Variants in RALYL observed in about 807,000 individuals in gnomAD.
RALYL encodes the protein RALY RNA binding protein like.
RALYL carries 29 observed loss-of-function variants against 35.1 expected under a neutral mutation model. The observed-to-expected ratio is 0.83, with a 90% CI of 0.61 to 1.13. RALYL has a LOEUF of 1.13. Ranked by LOEUF, RALYL falls within the 50% of genes most tolerant of loss-of-function variation. RALYL has a pLI of 0.00. For missense variants in RALYL, 359 were observed against 360.4 expected, an observed-to-expected ratio of 1.00 and a Z score of 0.03; for synonymous variants, 120 against 127.6, an observed-to-expected ratio of 0.94 and a Z score of 0.40.
chr8:84,709,497 CAA>C (rs1404300449), intron 2 of RALYL, among the ~76,000 whole-genome samples: 1 of 151,400 alleles, frequency 6.6e-6, no homozygotes, highest in African/African-American at 2.4e-5. Flanking sequence ...TTAATAAAAA[CAA>C]ATGTATTTAA....
chr8:84,488,894 A>T (rs1346502251), intron 1 of RALYL, among the ~76,000 whole-genome samples: 1 of 152,086 alleles, frequency 6.6e-6, no homozygotes, highest in East Asian at 1.9e-4. Context: ...TGTGTGTTTT[A>T]GTTATAAGAG....
intron 1 of RALYL, among the ~76,000 whole-genome samples, chr8:84,474,404 ATACTT>A (rs1314248693): frequency 6.6e-6 from 1 of 152,244 alleles, no homozygotes; most frequent in Non-Finnish European, 1.5e-5. Context: ...AGTAGTAAGA[ATACTT>A]TAGGGAAAAG....
At chr8:84,634,038 A>G (rs1186429553) in intron 2 of RALYL, among the ~76,000 whole-genome samples, 3 of 151,880 alleles carry the variant, frequency 2.0e-5, no homozygotes, top group African/African-American at 7.2e-5. Context: ...TACTTAGTAA[A>G]TGTCATAACT....
At chr8:84,828,684 C>A in intron 4 of RALYL, 1 of 186,612 alleles carries the variant, frequency 5.4e-6, no homozygotes, top group South Asian at 1.5e-4. Flanking sequence ...TATAACAGTT[C>A]AGTTTCTTGC....
intron 1 of RALYL, among the ~76,000 whole-genome samples, chr8:84,240,820 T>C (rs190779992): frequency 3.3e-5 from 5 of 152,266 alleles, no homozygotes; most frequent in East Asian, 1.9e-4. Flanking sequence ...AGTAACAGCA[T>C]TGAGTGTTGA....
intron 3 of RALYL, among the ~76,000 whole-genome samples, chr8:84,792,514 A>T (rs1821033464): frequency 6.6e-6 from 1 of 152,196 alleles, no homozygotes; most frequent in Non-Finnish European, 1.5e-5. Flanking sequence ...GGGGCGTTGC[A>T]GGCCAAAAGG....
intron 1 of RALYL, among the ~76,000 whole-genome samples, chr8:84,213,657 A>G (rs1475963548): frequency 1.3e-5 from 2 of 152,240 alleles, no homozygotes; most frequent in Non-Finnish European, 2.9e-5. Context: ...AACACAAAAT[A>G]CATGCTACAG....
chr8:84,830,019 G>A (rs945122461), intron 4 of RALYL, among the ~76,000 whole-genome samples: 3 of 30,966 alleles, frequency 9.7e-5, no homozygotes, highest in Non-Finnish European at 3.3e-4. Context: ...ACTATACTGG[G>A]GGGGGGGGGG....
At chr8:84,829,810 T>C (rs758157911) in intron 4 of RALYL, among the ~76,000 whole-genome samples, 16 of 152,074 alleles carry the variant, frequency 1.1e-4, no homozygotes, top group Non-Finnish European at 2.2e-4. Context: ...GATCACAACA[T>C]TTTTGCCAAC....
chr8:84,887,470 T>C, intron 7 of RALYL, 134 bp from the exon 8 acceptor site: 2 of 618,268 alleles, frequency 3.2e-6, no homozygotes, highest in Non-Finnish European at 5.2e-6. Context: ...ACTTAAAGCA[T>C]AATATTACCT....
chr8:84,814,179 G>T (rs1826603565), intron 4 of RALYL, among the ~76,000 whole-genome samples: 1 of 152,146 alleles, frequency 6.6e-6, no homozygotes, highest in Non-Finnish European at 1.5e-5. Context: ...GCTCATAAAT[G>T]TTAGCTATCA....
At position 84,921,475 on chromosome 8, in the gene RALYL, A is replaced by G. The variant is rs1849308327; in HGVS notation, c.*564A>G. The G allele has an allele frequency of 1.3e-5, 2 of 152,280 alleles. No homozygotes were observed. The highest frequency in any genetic ancestry group is 1.3e-4 in the Admixed American group (2 of 15,294). The allele number at this position is 152,280 out of a possible 1,614,324, so 9.4% of individuals were successfully genotyped here. ...CTTTTTATTAATAAAGAATGCAGAT[A>G]TTTCAGATGTGATATAATAGTTAAA... On this transcript the variant is annotated 3_prime_UTR_variant, in exon 9 of 9. Coordinates refer to ENST00000521268, the MANE Select transcript of RALYL (RefSeq NM_173848.7).
intron 2 of RALYL, among the ~76,000 whole-genome samples, chr8:84,668,932 G>GT (rs1333248010): frequency 6.6e-6 from 1 of 151,822 alleles, no homozygotes; most frequent in African/African-American, 2.4e-5. Context: ...AGCTATTGAG[G>GT]TTAAATGTTC....
At chr8:84,642,474 G>C (rs1194457433) in intron 2 of RALYL, among the ~76,000 whole-genome samples, 1 of 151,862 alleles carries the variant, frequency 6.6e-6, no homozygotes, top group African/African-American at 2.4e-5. Flanking sequence ...AGCACCAGCA[G>C]CTTAGTAACA....
chr8:84,358,046 G>A (rs1852218930), intron 1 of RALYL, among the ~76,000 whole-genome samples: 1 of 151,716 alleles, frequency 6.6e-6, no homozygotes. Flanking sequence ...ATTAGTATTT[G>A]TAGGAGCCAT....
intron 2 of RALYL, among the ~76,000 whole-genome samples, chr8:84,614,982 C>G (rs1046161943): frequency 6.6e-6 from 1 of 151,492 alleles, no homozygotes; most frequent in African/African-American, 2.4e-5. Flanking sequence ...GCATAAATTA[C>G]TGTAAAATGA....
intron 1 of RALYL, among the ~76,000 whole-genome samples, chr8:84,346,669 A>G (rs1369882567): frequency 1.3e-5 from 2 of 152,066 alleles, no homozygotes; most frequent in Non-Finnish European, 2.9e-5. Context: ...GGGTTTCGCC[A>G]TGTTGGCCAG....
At chr8:84,919,689 CA>C (rs1231496737) in intron 8 of RALYL, among the ~76,000 whole-genome samples, 1 of 152,024 alleles carries the variant, frequency 6.6e-6, no homozygotes, top group Non-Finnish European at 1.5e-5. Flanking sequence ...TATCAAAATA[CA>C]GTGTCAAAAT....
intron 4 of RALYL, among the ~76,000 whole-genome samples, chr8:84,815,240 A>T (rs1219872351): frequency 1.3e-5 from 2 of 152,198 alleles, no homozygotes; most frequent in African/African-American, 4.8e-5. Flanking sequence ...CTGCCTATGC[A>T]GAAGTACATA....
Sources: allele counts gnomAD v4.1 joint callset (sites outside exome capture counted in the v4.1 genomes callset), GRCh38; gene constraint gnomAD v4.1.1; transcripts MANE v1.5; gene names NCBI Gene and HGNC (gene_info 2026-07-23, HGNC 2026-07-21).